ITGA11: variants seen among roughly 807,000 people sequenced by gnomAD.
ITGA11 encodes the protein integrin alpha-11.
In ITGA11, 97 loss-of-function variants were observed where a neutral mutation model predicts 141.9. The observed-to-expected ratio is 0.68, with a 90% CI of 0.58 to 0.81. ITGA11 has a LOEUF of 0.81. Among genes scored for constraint, ITGA11 ranks in the 30% least tolerant of loss-of-function variants. ITGA11 has a pLI of 0.00. For synonymous variants in ITGA11, 658 were observed against 624.6 expected (o/e 1.05, Z -0.80); for missense variants, 1,387 against 1,559.2 (o/e 0.89, Z 1.86).
At chr15:68,344,916 T>G (rs1481992562) in intron 10 of ITGA11, among the ~76,000 whole-genome samples, 1 of 152,150 alleles carries the variant, frequency 6.6e-6, no homozygotes. Context: ...GATTCCAGTG[T>G]AGGAAGGCGG....
At chr15:68,339,477 C>A in intron 11 of ITGA11, 23 bp downstream of exon 11, 1 of 1,603,988 alleles carries the variant, frequency 6.2e-7, no homozygotes. Context: ...ACCCGCCAGC[C>A]TCCCCTCACT....
chr15:68,376,266 C>T (rs1247864140), intron 2 of ITGA11, among the ~76,000 whole-genome samples: 1 of 151,310 alleles, frequency 6.6e-6, no homozygotes, highest in Non-Finnish European at 1.5e-5. Flanking sequence ...ACTGTGTGCA[C>T]AGCCGGGTCT....
chr15:68,336,234 T>G (rs1011456826), intron 11 of ITGA11: 1 of 190,608 alleles, frequency 5.2e-6, no homozygotes, highest in African/African-American at 2.3e-5. Flanking sequence ...GGGGAGACTT[T>G]GTTTTGGTTC....
chr15:68,395,130 C>A (rs931108965), intron 2 of ITGA11, among the ~76,000 whole-genome samples: 3 of 151,374 alleles, frequency 2.0e-5, no homozygotes, highest in African/African-American at 7.3e-5. Context: ...GAATAGCATC[C>A]ACATCAACAA....
At chr15:68,345,742 G>A (rs1323056557) in intron 10 of ITGA11, among the ~76,000 whole-genome samples, 1 of 152,154 alleles carries the variant, frequency 6.6e-6, no homozygotes, top group Non-Finnish European at 1.5e-5. Context: ...GACATGCTCA[G>A]GGCAAAGTGG....
intron 10 of ITGA11, among the ~76,000 whole-genome samples, chr15:68,345,426 G>A (rs927667977): frequency 1.3e-5 from 2 of 152,168 alleles, no homozygotes; most frequent in African/African-American, 2.4e-5. Flanking sequence ...TGGGTGTCCA[G>A]GTGATGTCTT....
At chr15:68,306,095 CAGG>C (rs1270310698) in intron 28 of ITGA11, among the ~76,000 whole-genome samples, 6 of 148,390 alleles carry the variant, frequency 4.0e-5, no homozygotes, top group African/African-American at 1.5e-4. Flanking sequence ...GAGGCTGAGG[CAGG>C]AGAATGGCAT....
At chr15:68,393,463 A>G (rs924586556) in intron 2 of ITGA11, among the ~76,000 whole-genome samples, 1 of 152,196 alleles carries the variant, frequency 6.6e-6, no homozygotes, top group Non-Finnish European at 1.5e-5. Context: ...GGCAAATAAG[A>G]AAGCAACCAC....
chr15:68,382,174 G>T (rs1895879305), intron 2 of ITGA11, among the ~76,000 whole-genome samples: 1 of 152,202 alleles, frequency 6.6e-6, no homozygotes, highest in East Asian at 1.9e-4. Context: ...GAAACAAAAA[G>T]GCTGTGGGCT....
At chr15:68,415,758 C>T (rs1356596509) in intron 1 of ITGA11, among the ~76,000 whole-genome samples, 2 of 152,208 alleles carry the variant, frequency 1.3e-5, no homozygotes, top group Non-Finnish European at 2.9e-5. Flanking sequence ...TCATGTGTGT[C>T]ATGAGGGGCT....
intron 2 of ITGA11, among the ~76,000 whole-genome samples, chr15:68,374,316 C>G (rs1483440189): frequency 6.6e-6 from 1 of 152,248 alleles, no homozygotes; most frequent in Non-Finnish European, 1.5e-5. Context: ...CCACATATAA[C>G]AGCTGCTTAG....
intron 2 of ITGA11, among the ~76,000 whole-genome samples, chr15:68,373,857 G>T (rs150086047): frequency 8.5e-4 from 130 of 152,300 alleles, no homozygotes; most frequent in Admixed American, 6.7e-3. Context: ...AGAGAAGCAT[G>T]AAGAGAAGGA....
chr15:68,410,193 C>T (rs556135588), intron 1 of ITGA11, among the ~76,000 whole-genome samples: 4 of 152,300 alleles, frequency 2.6e-5, no homozygotes, highest in South Asian at 2.1e-4. Context: ...CAGAGGAAGC[C>T]GATCTGTGGA....
intron 10 of ITGA11, among the ~76,000 whole-genome samples, chr15:68,344,375 G>T (rs1894674290): frequency 1.3e-5 from 2 of 152,142 alleles, no homozygotes; most frequent in African/African-American, 4.8e-5. Context: ...TGTTGAATCA[G>T]ATACGCAAAA....
rs140391366 is a variant in ITGA11 at position 68,304,700 on chromosome 15, C to A, written c.3382-815G>T. 1.9e-4 allele frequency among the ~76,000 whole-genome samples: 29 copies of A among 152,302 alleles called. No individual in the cohort carries two copies. Among genetic ancestry groups the A allele is most frequent in the African/African-American group, 7.0e-4 (29 of 41,560 alleles). On this transcript the variant is annotated intron_variant, in intron 28 of 29. Transcript: ENST00000315757. The surrounding 1 kb of genome is among the most constrained non-coding windows in gnomAD (Gnocchi z 6.1). ...CAGGCCCCTAACCAAGCTCTTAACA[C>A]CCCAGCCCCCGAAGCCTGCTCTTTC...
chr15:68,383,464 C>G (rs972548501), intron 2 of ITGA11, among the ~76,000 whole-genome samples: 2 of 152,236 alleles, frequency 1.3e-5, no homozygotes, highest in South Asian at 2.1e-4. Context: ...TGTATATAAC[C>G]TTAAAACATG....
chr15:68,349,842 G>A (rs1894848856), intron 9 of ITGA11, among the ~76,000 whole-genome samples: 1 of 152,216 alleles, frequency 6.6e-6, no homozygotes, highest in African/African-American at 2.4e-5. Flanking sequence ...TGGCATATAG[G>A]GATTAAGGGT....
At chr15:68,362,956 GATGATGGATGA>G (rs1406814733) in intron 4 of ITGA11, among the ~76,000 whole-genome samples, 32 of 69,892 alleles carry the variant, frequency 4.6e-4, no homozygotes, top group Admixed American at 3.3e-3. Context: ...TGGATGAATG[GATGATGGATGA>G]ATAAGTGGAT....
At position 68,364,778 on chromosome 15, in the gene ITGA11, C is replaced by G. The variant is rs201928196; in HGVS notation, c.286G>C (p.Val96Leu). 1.2e-6 allele frequency: 2 copies of G among 1,613,686 alleles called. No individual in the cohort carries two copies. The highest frequency in any genetic ancestry group is 1.7e-6 in the Non-Finnish European group (2 of 1,179,824). ...LNLGRVTLSN[V>L]SERKDNMRLG... ...CGCATGTTGTCTTTCCGCTCGGACA[C>G]GTTGGACAGGGTGACCCTTCCTGGG... is the stretch of plus-strand genomic sequence containing the variant. Residue 96 changes from valine (V) to leucine (L), a missense_variant, in exon 4 of 30, where the codon GTG becomes CTG. Physicochemically the swap from Val to Leu is conservative, Grantham distance 32. Coordinates refer to ENST00000315757, the MANE Select transcript of ITGA11 (RefSeq NM_001004439.2).
Sources: gnomAD v4.1 joint callset for allele counts (sites outside exome capture counted in the v4.1 genomes callset) on GRCh38, gnomAD v4.1.1 for gene constraint, Gnocchi (gnomAD v3.1) non-coding constraint, MANE v1.5 for transcripts, NCBI Gene and HGNC (gene_info 2026-07-23, HGNC 2026-07-21) for gene names.